Variants in KATNAL2 observed in about 807,000 individuals in gnomAD.
The protein encoded by KATNAL2 is katanin p60 ATPase-containing subunit A-like 2.
Under a neutral mutation model 76.3 loss-of-function variants are expected in KATNAL2, and 52 were observed. That is an observed-to-expected ratio of 0.68 (90% CI 0.55 to 0.86). KATNAL2 has a LOEUF of 0.86. Ranked by LOEUF, KATNAL2 falls within the 40% of genes least tolerant of loss-of-function variation. The pLI, the probability that KATNAL2 is intolerant of heterozygous loss-of-function variation, is 0.00. For missense variants in KATNAL2, 660 were observed against 668.9 expected (o/e 0.99, Z 0.15); for synonymous variants, 243 against 244.2 (o/e 1.00, Z 0.05).
chr18:46,947,049 G>A (rs2059402136), intron 3 of KATNAL2, 126 bp downstream of exon 3: 2 of 730,022 alleles, frequency 2.7e-6, no homozygotes, highest in Admixed American at 2.1e-5. Context: ...CAAACGCAGT[G>A]AGAGGCGCTC....
At chr18:47,087,274 A>G (rs1255101169) in intron 15 of KATNAL2, among the ~76,000 whole-genome samples, 3 of 152,248 alleles carry the variant, frequency 2.0e-5, no homozygotes, top group Non-Finnish European at 4.4e-5. Context: ...TAGTCTTCAC[A>G]ATAGCAAAGA....
chr18:47,068,195 T>A (rs906484916), intron 11 of KATNAL2, among the ~76,000 whole-genome samples: 1 of 152,244 alleles, frequency 6.6e-6, no homozygotes, highest in Non-Finnish European at 1.5e-5. Context: ...CATTTCTTGA[T>A]GAAAGGAGCT....
At chr18:47,057,431 T>A (rs1269083642) in intron 6 of KATNAL2, among the ~76,000 whole-genome samples, 8 of 152,220 alleles carry the variant, frequency 5.3e-5, no homozygotes, top group South Asian at 4.1e-4. Flanking sequence ...GATTTGATCT[T>A]TCTATGGATA....
chr18:46,935,810 G>A (rs1292107576), intron 1 of KATNAL2, among the ~76,000 whole-genome samples: 3 of 152,028 alleles, frequency 2.0e-5, no homozygotes, highest in Non-Finnish European at 4.4e-5. Context: ...CAGCTACTCA[G>A]GAGGCTGAGG....
chr18:47,064,310 G>T (rs913311456), intron 10 of KATNAL2, among the ~76,000 whole-genome samples: 1 of 152,278 alleles, frequency 6.6e-6, no homozygotes, highest in South Asian at 2.1e-4. Flanking sequence ...GTGGAAGAGG[G>T]AGGCTAGGAG....
intron 4 of KATNAL2, among the ~76,000 whole-genome samples, 171 bp from the exon 5 acceptor site, chr18:47,052,709 C>G (rs1400626365): frequency 6.6e-6 from 1 of 152,188 alleles, no homozygotes; most frequent in Non-Finnish European, 1.5e-5. Flanking sequence ...ATATACTTAA[C>G]AAATATGGGG....
chr18:46,940,692 A>G (rs72917176), intron 1 of KATNAL2, among the ~76,000 whole-genome samples: 11,675 of 152,172 alleles, frequency 0.077, 482 homozygotes, highest in African/African-American at 0.1. Context: ...GGGAGGGGAC[A>G]AGGAGAGAAA....
chr18:47,082,785 TG>T (rs2062590018), intron 15 of KATNAL2, among the ~76,000 whole-genome samples: 1 of 152,140 alleles, frequency 6.6e-6, no homozygotes, highest in Non-Finnish European at 1.5e-5. Context: ...AGTGTATCTT[TG>T]GGGTAGGTTC....
intron 3 of KATNAL2, among the ~76,000 whole-genome samples, chr18:46,961,742 G>A (rs897376433): frequency 6.6e-6 from 1 of 152,146 alleles, no homozygotes; most frequent in African/African-American, 2.4e-5. Flanking sequence ...TCACAGACCT[G>A]ATATTCAGGT....
Position 46,946,251 on chromosome 18 carries a change from G to C in KATNAL2, c.-315G>C, listed in dbSNP as rs1278191633. On this transcript the variant is annotated 5_prime_UTR_variant, in exon 2 of 18. An upstream start codon of the reference 5' UTR is lost. Coordinates refer to ENST00000683218, the MANE Select transcript of KATNAL2 (RefSeq NM_001387690.1). Reference sequence around the variant, plus strand: ...ATAGAGCAGAGGAAAACACGTCCATGTTTTTCCACGTCTAATGAGAACAGG... The same window carrying C: ...ATAGAGCAGAGGAAAACACGTCCATCTTTTTCCACGTCTAATGAGAACAGG... 5.4e-6 allele frequency: 6 copies of C among 1,109,822 alleles called. No individual in the cohort carries two copies. The highest frequency in any genetic ancestry group is 6.7e-6 in the Non-Finnish European group (6 of 899,040). The allele number at this position is 1,109,822 out of a possible 1,614,324, so 68.7% of individuals were successfully genotyped here.
intron 1 of KATNAL2, among the ~76,000 whole-genome samples, chr18:46,922,928 A>G (rs1226810427): frequency 6.7e-6 from 1 of 148,178 alleles, no homozygotes; most frequent in East Asian, 1.9e-4. Flanking sequence ...ATAATATTAT[A>G]TATGATATTG....
At chr18:47,035,207 T>C in intron 3 of KATNAL2, 2 of 1,612,726 alleles carry the variant, frequency 1.2e-6, no homozygotes, top group Non-Finnish European at 1.7e-6. Context: ...TCCGTCTTAG[T>C]GGCCAGACGC....
At chr18:47,041,068 C>T (rs187953167) in intron 3 of KATNAL2, among the ~76,000 whole-genome samples, 9 of 152,236 alleles carry the variant, frequency 5.9e-5, no homozygotes, top group East Asian at 3.9e-4. Flanking sequence ...TATTTTTTAG[C>T]GCAGTTTTAG....
chr18:47,033,534 G>A lies in KATNAL2; in HGVS notation c.52-12923G>A, dbSNP rs538191748. 71 of 1,614,008 alleles carry A rather than the reference G, an allele frequency of 4.4e-5. 1 individual carries two copies. The South Asian group carries it at 6.9e-4, about 16-fold the overall frequency. On this transcript the variant is annotated intron_variant, in intron 3 of 17. Transcript: ENST00000683218. ...TCCGTAATTCGTCTGTCTCTCTAAC[G>A]AGTGCGTGATTGTCTTTCTTTCTGC...
At position 47,032,670 on chromosome 18, in the gene KATNAL2, AAAAG is replaced by A. The variant is rs1177910332; in HGVS notation, c.52-13782_52-13779del. 21 of 385,574 alleles carry A rather than the reference AAAAG, an allele frequency of 5.4e-5. No homozygotes were observed. In the East Asian group the frequency reaches 9.8e-4, roughly 18 times the overall value. The allele number at this position is 385,574 out of a possible 1,614,324, so 23.9% of individuals were successfully genotyped here. On this transcript the variant is annotated intron_variant, in intron 3 of 17. Transcript: ENST00000683218. ...TCTTATCTACTTGATTTCGAAAAAA[AAAAG>A]AAAGGAAAAAGGAAATCTCACATCT...
chr18:46,960,469 G>A (rs1450890234), intron 3 of KATNAL2, among the ~76,000 whole-genome samples: 4 of 151,926 alleles, frequency 2.6e-5, no homozygotes, highest in Non-Finnish European at 5.9e-5. Context: ...AAGATGAAGC[G>A]ATAGAGATTG....
chr18:46,951,538 T>A (rs1329213459), intron 3 of KATNAL2, among the ~76,000 whole-genome samples: 1 of 151,808 alleles, frequency 6.6e-6, no homozygotes, highest in Non-Finnish European at 1.5e-5. Flanking sequence ...CTTCCTCCCT[T>A]CCCTGTGTTA....
chr18:47,045,306 T>C (rs1295529023), intron 3 of KATNAL2, among the ~76,000 whole-genome samples: 1 of 146,622 alleles, frequency 6.8e-6, no homozygotes, highest in Non-Finnish European at 1.5e-5. Flanking sequence ...TTTGGTTTGT[T>C]TGTTTTTCTT....
rs560433106 is a variant in KATNAL2, at chr18:47,046,302, A to G, written c.52-155A>G. The G allele has an allele frequency of 6.8e-6, 4 of 586,528 alleles. No individual in the cohort carries two copies. In the Admixed American group the frequency reaches 9.5e-5, roughly 14 times the overall value. The allele number at this position is 586,528 out of a possible 1,614,324, so 36.3% of individuals were successfully genotyped here. Reference sequence around the variant, plus strand: ...TGTGAGAAGAAAATAACAATGGAAAACAACTTTATATGTCCTTAGAGACTT... The same window carrying G: ...TGTGAGAAGAAAATAACAATGGAAAGCAACTTTATATGTCCTTAGAGACTT... On this transcript the variant is annotated intron_variant, in intron 3 of 17. Coordinates refer to ENST00000683218, the MANE Select transcript of KATNAL2 (RefSeq NM_001387690.1).
Sources: allele counts gnomAD v4.1 joint callset (sites outside exome capture counted in the v4.1 genomes callset), GRCh38; gene constraint gnomAD v4.1.1; transcripts MANE v1.5; gene names NCBI Gene and HGNC (gene_info 2026-07-23, HGNC 2026-07-21).